Variants in USP34 observed in about 807,000 individuals in gnomAD.
USP34 encodes the protein ubiquitin carboxyl-terminal hydrolase 34.
USP34 carries 70 observed loss-of-function variants against 460.3 expected under a neutral mutation model. The ratio of observed to expected loss-of-function variants is 0.15; its 90% CI spans 0.13 to 0.19. The LOEUF is 0.19. USP34 is among the 10% of genes least tolerant of loss of function. The pLI, the probability that USP34 is intolerant of heterozygous loss-of-function variation, is 1.00. For missense variants in USP34, 3,985 were observed against 4,236.2 expected (o/e 0.94, Z 1.65); for synonymous variants, 1,647 against 1,405.3 (o/e 1.17, Z -3.85).
chr2:61,303,563 A>C (rs948727301), intron 27 of USP34, among the ~76,000 whole-genome samples: 2 of 152,158 alleles, frequency 1.3e-5, no homozygotes, highest in African/African-American at 4.8e-5. Flanking sequence ...CATTAGGAAA[A>C]GCTTTGGCTA....
intron 18 of USP34, among the ~76,000 whole-genome samples, chr2:61,338,260 G>A (rs1000116404): frequency 4.9e-4 from 75 of 152,188 alleles, no homozygotes; most frequent in African/African-American, 1.6e-3. Flanking sequence ...GGCAGAGGTT[G>A]CAGTAAGCCA....
intron 27 of USP34, among the ~76,000 whole-genome samples, chr2:61,301,943 G>A (rs1332613631): frequency 6.6e-6 from 1 of 151,382 alleles, no homozygotes; most frequent in Non-Finnish European, 1.5e-5. Flanking sequence ...GGAGGGTGAG[G>A]AGAAAAAAGA....
intron 16 of USP34, among the ~76,000 whole-genome samples, chr2:61,341,024 T>G (rs1313742686): frequency 2.0e-5 from 3 of 152,182 alleles, no homozygotes; most frequent in African/African-American, 7.2e-5. Context: ...AGGCAATGAT[T>G]GAGGAGCTTT....
At chr2:61,269,869 A>G (rs946890556) in intron 41 of USP34, among the ~76,000 whole-genome samples, 1 of 152,040 alleles carries the variant, frequency 6.6e-6, no homozygotes, top group Non-Finnish European at 1.5e-5. Flanking sequence ...AAATCAGGGT[A>G]TTTGGAATAC....
chr2:61,252,169 C>T (rs1335979095), intron 48 of USP34, among the ~76,000 whole-genome samples: 1 of 152,094 alleles, frequency 6.6e-6, no homozygotes, highest in Non-Finnish European at 1.5e-5. Context: ...TTCCTTTCTT[C>T]CCTAAATAAA....
intron 40 of USP34, 24 bp from the exon 41 acceptor site, chr2:61,278,309 C>A (rs1401188113): frequency 1.2e-6 from 2 of 1,611,490 alleles, no homozygotes; most frequent in African/African-American, 2.7e-5. Flanking sequence ...AAAAAATACA[C>A]ACAAGCAAGA....
chr2:61,457,377 T>C (rs1695470658), intron 1 of USP34, among the ~76,000 whole-genome samples: 4 of 152,224 alleles, frequency 2.6e-5, no homozygotes, highest in Non-Finnish European at 2.9e-5. Context: ...GTCCTGATTA[T>C]GTTATAAACC....
rs193139233 is a variant in USP34, at chr2:61,359,812, T to G, written c.1252-9119A>C. On this transcript the variant is annotated intron_variant, in intron 10 of 79. Transcript: ENST00000398571. ...TTTTTTTTTTTTTTTTGAGACAGTC[T>G]CACTCTGTCACCCAGCCTAAAGTGC... Among the ~76,000 whole-genome samples the G allele has an allele frequency of 2.9e-3, 367 of 126,708 alleles. 15 individuals are homozygous for G. The East Asian group carries it at 0.089, about 31-fold the overall frequency. 83.1% of individuals were successfully genotyped at this position (126,708 alleles called of 152,430 possible).
intron 67 of USP34, among the ~76,000 whole-genome samples, chr2:61,218,771 C>T (rs1045663504): frequency 3.3e-5 from 5 of 152,076 alleles, no homozygotes; most frequent in Non-Finnish European, 5.9e-5. Flanking sequence ...TGGTTAGATT[C>T]AGGTTATAGG....
intron 20 of USP34, among the ~76,000 whole-genome samples, chr2:61,326,232 G>A (rs1691085140): frequency 1.3e-5 from 2 of 152,148 alleles, no homozygotes; most frequent in East Asian, 3.8e-4. Context: ...AAGGGGGGCA[G>A]AGTCTCACTC....
At chr2:61,467,477 T>G (rs1342828701) in intron 1 of USP34, among the ~76,000 whole-genome samples, 2 of 151,674 alleles carry the variant, frequency 1.3e-5, no homozygotes, top group Non-Finnish European at 2.9e-5. Context: ...TAATACTAAT[T>G]ACGTATTTTT....
At chr2:61,328,884 C>T (rs1410580755) in intron 20 of USP34, among the ~76,000 whole-genome samples, 3 of 152,248 alleles carry the variant, frequency 2.0e-5, no homozygotes, top group African/African-American at 4.8e-5. Flanking sequence ...TTCAAGTCCA[C>T]AGGCTTACAG....
intron 1 of USP34, among the ~76,000 whole-genome samples, chr2:61,431,298 C>G (rs979688696): frequency 1.3e-5 from 2 of 151,578 alleles, no homozygotes; most frequent in African/African-American, 4.9e-5. Flanking sequence ...TCACAGCTTA[C>G]TGCAGCCTGG....
At chr2:61,346,973 AC>A (rs1691790939) in intron 15 of USP34, among the ~76,000 whole-genome samples, 2 of 151,762 alleles carry the variant, frequency 1.3e-5, no homozygotes, top group South Asian at 4.2e-4. Context: ...CCCCATCTCT[AC>A]TAAAAATACT....
chr2:61,228,280 C>G (rs184320531), intron 61 of USP34, among the ~76,000 whole-genome samples: 1 of 152,216 alleles, frequency 6.6e-6, no homozygotes, highest in East Asian at 1.9e-4. Flanking sequence ...TCATAGACCA[C>G]CTACTTAAAT....
At chr2:61,419,499 T>C (rs907981959) in intron 2 of USP34, among the ~76,000 whole-genome samples, 1 of 152,104 alleles carries the variant, frequency 6.6e-6, no homozygotes, top group African/African-American at 2.4e-5. Flanking sequence ...AAATTCTTAA[T>C]ACAGGGATTA....
chr2:61,282,260 G>A (rs998887598), intron 37 of USP34, among the ~76,000 whole-genome samples: 4 of 152,278 alleles, frequency 2.6e-5, no homozygotes, highest in Admixed American at 6.5e-5. Context: ...GATTACAGGC[G>A]TGAGCCACAG....
intron 41 of USP34, 37 bp from the exon 42 acceptor site, chr2:61,266,204 A>T (rs1425825604): frequency 1.3e-6 from 2 of 1,558,716 alleles, no homozygotes; most frequent in Admixed American, 1.7e-5. Flanking sequence ...CTAAACTGAG[A>T]TATTAATTAC....
At position 61,420,812 on chromosome 2, in the gene USP34, T is replaced by C. The variant is rs1331300813; in HGVS notation, c.65A>G (p.Asp22Gly). 13 of 1,610,662 alleles carry C rather than the reference T, an allele frequency of 8.1e-6. No homozygotes were observed. In the Admixed American group the frequency reaches 1.8e-4, roughly 23 times the overall value. The stretch of plus-strand genomic sequence containing the variant: ...ATGTTCCTTTCTGAGCTGCAGTCCA[T>C]CACCACCTTCTACATCTGATACTGA... ...LNEISDVEGGDGLQLRKEHTL... is the reference protein window; with the variant it reads ...LNEISDVEGGGGLQLRKEHTL... The change falls in exon 2 of 80, where the codon GAT becomes GGT. Residue 22 changes from aspartate to glycine, a missense_variant. Physicochemically the swap from Asp to Gly is moderately conservative, Grantham distance 94. Around this residue, in one of 14 missense-constraint regions of USP34, gnomAD observed 331 missense variants for 293.7 expected, o/e 1.13. Transcript: ENST00000398571.
Sources: gnomAD v4.1 joint callset for allele counts (sites outside exome capture counted in the v4.1 genomes callset) on GRCh38, gnomAD v4.1.1 for gene constraint, gnomAD v4.1.1 regional missense constraint, MANE v1.5 for transcripts, NCBI Gene and HGNC (gene_info 2026-07-23, HGNC 2026-07-21) for gene names.